Variants in AKAP19 observed in about 807,000 individuals in gnomAD.
AKAP19 encodes A-kinase anchoring protein 19.
the AKAP19 span, among the ~76,000 whole-genome samples, chr2:190,153,199 G>C: frequency 6.6e-6 from 1 of 152,032 alleles, no homozygotes; most frequent in South Asian, 2.1e-4. Flanking sequence ...CCGGCCACTT[G>C]CCCATTATTT....
the AKAP19 span, among the ~76,000 whole-genome samples, chr2:190,107,052 C>T: frequency 6.6e-6 from 1 of 152,184 alleles, no homozygotes; most frequent in African/African-American, 2.4e-5. Context: ...TCTAGGTGTA[C>T]TGAGGAGAAG....
chr2:189,962,259 T>C, the AKAP19 span, among the ~76,000 whole-genome samples: 1 of 152,324 alleles, frequency 6.6e-6, no homozygotes, highest in African/African-American at 2.4e-5. Flanking sequence ...CTGGGAGGAA[T>C]AGGCTCTCTC....
the AKAP19 span, among the ~76,000 whole-genome samples, chr2:190,078,765 C>T: frequency 7.2e-5 from 11 of 152,172 alleles, no homozygotes; most frequent in East Asian, 1.9e-3. Flanking sequence ...TATGCCGTTG[C>T]ATTTGACCCA....
chr2:190,109,127 G>A, the AKAP19 span, among the ~76,000 whole-genome samples: 21 of 152,082 alleles, frequency 1.4e-4, no homozygotes, highest in African/African-American at 3.6e-4. Flanking sequence ...CAGAGCCAAC[G>A]GAAAAGATAG....
At chr2:190,042,455 A>G in the AKAP19 span, among the ~76,000 whole-genome samples, 1 of 151,364 alleles carries the variant, frequency 6.6e-6, no homozygotes, top group East Asian at 1.9e-4. Context: ...TTTTTTTTCA[A>G]AAAAACAACT....
At chr2:190,143,684 G>C in the AKAP19 span, among the ~76,000 whole-genome samples, 1 of 151,860 alleles carries the variant, frequency 6.6e-6, no homozygotes, top group African/African-American at 2.4e-5. Context: ...TATACCCAAA[G>C]GACTATAAAT....
At chr2:190,012,231 C>A in the AKAP19 span, among the ~76,000 whole-genome samples, 3 of 152,092 alleles carry the variant, frequency 2.0e-5, no homozygotes, top group Non-Finnish European at 4.4e-5. Flanking sequence ...CTGAAGCCAT[C>A]CTCCCACATC....
At chr2:189,888,680 G>C in the AKAP19 span, among the ~76,000 whole-genome samples, 1 of 152,082 alleles carries the variant, frequency 6.6e-6, no homozygotes, top group Non-Finnish European at 1.5e-5. Context: ...TGTATTCCTA[G>C]GTATTTTATT....
the AKAP19 span, among the ~76,000 whole-genome samples, chr2:190,081,059 A>G: frequency 0.83 from 126,302 of 152,128 alleles, 53,178 homozygotes; most frequent in South Asian, 0.95. Flanking sequence ...CTTAAAAAAC[A>G]TATTTTAAGA....
chr2:190,170,576 TCCCATCC>T, the AKAP19 span, among the ~76,000 whole-genome samples: 2 of 152,186 alleles, frequency 1.3e-5, no homozygotes, highest in African/African-American at 4.8e-5. Flanking sequence ...ACCCGCTGCC[TCCCATCC>T]CCCATCCCCA....
chr2:190,184,479 G>A, the AKAP19 span, among the ~76,000 whole-genome samples: 3 of 152,102 alleles, frequency 2.0e-5, no homozygotes, highest in South Asian at 2.1e-4. Flanking sequence ...TTCATTAATC[G>A]CCTTGATGTA....
At chr2:190,023,338 G>A in the AKAP19 span, among the ~76,000 whole-genome samples, 1 of 152,090 alleles carries the variant, frequency 6.6e-6, no homozygotes, top group Non-Finnish European at 1.5e-5. Context: ...CATAGGAGAA[G>A]CATAGTACAT....
the AKAP19 span, among the ~76,000 whole-genome samples, chr2:190,144,182 A>AAAGG: frequency 3.4e-5 from 1 of 29,242 alleles, no homozygotes; most frequent in Non-Finnish European, 1.9e-4. Flanking sequence ...AAAAGAAAAG[A>AAAGG]AAAGAAAAAA....
the AKAP19 span, among the ~76,000 whole-genome samples, chr2:190,006,620 C>T: frequency 7.9e-6 from 1 of 127,042 alleles, no homozygotes; most frequent in African/African-American, 3.1e-5. Flanking sequence ...GCCTGGGCGA[C>T]AGAACGAGAC....
the AKAP19 span, among the ~76,000 whole-genome samples, chr2:189,976,783 G>A: frequency 1.2e-4 from 18 of 152,332 alleles, no homozygotes; most frequent in African/African-American, 2.9e-4. Flanking sequence ...AGCCAGGTGC[G>A]GAATATAATC....
the AKAP19 span, among the ~76,000 whole-genome samples, chr2:190,149,254 C>T: frequency 5.3e-5 from 8 of 152,234 alleles, no homozygotes; most frequent in East Asian, 3.9e-4. Context: ...AGAGCCACTA[C>T]GCCCATTATT....
the AKAP19 span, among the ~76,000 whole-genome samples, chr2:189,985,293 TGAG>T: frequency 6.6e-6 from 1 of 152,192 alleles, no homozygotes; most frequent in African/African-American, 2.4e-5. Context: ...CTTTTTTTTC[TGAG>T]GAGAACTGGC....
chr2:189,937,231 A>C, the AKAP19 span, among the ~76,000 whole-genome samples: 2 of 152,174 alleles, frequency 1.3e-5, no homozygotes, highest in African/African-American at 4.8e-5. Context: ...GGATGGACTG[A>C]CTACAAAGGA....
the AKAP19 span, among the ~76,000 whole-genome samples, chr2:190,146,983 G>T: frequency 0.059 from 9,032 of 152,176 alleles, 341 homozygotes; most frequent in Middle Eastern, 0.11. Context: ...TCATTTTGGC[G>T]TGCAAAAGCT....
Sources: gnomAD v4.1 joint callset for allele counts (sites outside exome capture counted in the v4.1 genomes callset) on GRCh38, gnomAD v4.1.1 for gene constraint, MANE v1.5 for transcripts, NCBI Gene and HGNC (gene_info 2026-07-23, HGNC 2026-07-21) for gene names.